Variants in PPM1B observed in about 807,000 individuals in gnomAD.
The protein encoded by PPM1B is protein phosphatase 1B.
Under a neutral mutation model 43.0 loss-of-function variants are expected in PPM1B, and 22 were observed. That is an observed-to-expected ratio of 0.51 (90% CI 0.37 to 0.73). The LOEUF (loss-of-function observed/expected upper bound fraction) is 0.73. Among genes scored for constraint, PPM1B ranks in the 30% least tolerant of loss-of-function variants. The pLI is 0.00. For synonymous variants in PPM1B, 217 were observed against 197.9 expected (o/e 1.10, Z -0.81); for missense variants, 632 against 584.2 (o/e 1.08, Z -0.84).
intron 5 of PPM1B, among the ~76,000 whole-genome samples, chr2:44,241,819 G>C (rs187766086): frequency 2.5e-4 from 35 of 139,974 alleles, no homozygotes; most frequent in African/African-American, 9.3e-4. Flanking sequence ...AAAAAGATCT[G>C]TCCTAAAAAC....
At chr2:44,226,618 T>C (rs1218383993) in intron 5 of PPM1B, among the ~76,000 whole-genome samples, 16 of 152,078 alleles carry the variant, frequency 1.1e-4, no homozygotes, top group Admixed American at 9.8e-4. Context: ...TTTTAAAAGC[T>C]CCACAGGTAA....
At chr2:44,185,058 G>GT (rs2104037355) in intron 1 of PPM1B, among the ~76,000 whole-genome samples, 1 of 151,084 alleles carries the variant, frequency 6.6e-6, no homozygotes, top group Admixed American at 6.6e-5. Flanking sequence ...ATATTATTGG[G>GT]TTTTATAGTA....
chr2:44,212,271 A>G (rs973945056), intron 3 of PPM1B, among the ~76,000 whole-genome samples: 3 of 152,056 alleles, frequency 2.0e-5, no homozygotes, highest in Admixed American at 6.5e-5. Flanking sequence ...CCCTTTTCAT[A>G]TTTATAACTC....
rs939412522 is a variant in PPM1B, at chr2:44,169,259, C to T, written c.-30C>T. 7 of 153,304 alleles carry T rather than the reference C, an allele frequency of 4.6e-5. No individual in the cohort carries two copies. The highest frequency in any genetic ancestry group is 3.9e-4 in the East Asian group (2 of 5,184). The allele number at this position is 153,304 out of a possible 1,614,324, so 9.5% of individuals were successfully genotyped here. A position where few individuals can be genotyped will look rare whatever the true frequency, so the allele number is the denominator to read the frequency against. On this transcript the variant is annotated 5_prime_UTR_variant, in exon 1 of 6. Coordinates refer to ENST00000282412, the MANE Select transcript of PPM1B (RefSeq NM_002706.6). The stretch of plus-strand genomic sequence containing the variant: ...GAGCGAGGCGCCCTAGACATCTTCT[C>T]CCTCCCTTGCCTCAGGTAAGGCCGC...
At chr2:44,225,321 A>T (rs1396460377) in intron 5 of PPM1B, among the ~76,000 whole-genome samples, 2 of 152,174 alleles carry the variant, frequency 1.3e-5, no homozygotes, top group Non-Finnish European at 2.9e-5. Flanking sequence ...GCTATAATAG[A>T]TGTGTAAAAA....
intron 5 of PPM1B, among the ~76,000 whole-genome samples, chr2:44,241,329 A>C (rs928271789): frequency 1.4e-5 from 2 of 144,628 alleles, no homozygotes; most frequent in Non-Finnish European, 3.1e-5. Flanking sequence ...ATTGTCTTTG[A>C]CTAAGGCAGC....
rs1176749971 is a variant in PPM1B, at chr2:44,240,870, C to G, written n.1547-3358C>G. On this transcript the variant is annotated intron_variant and non_coding_transcript_variant, in intron 5 of 5. Transcript: ENST00000378540. ...GGCTTCCTTACGCAGTGAGCTGTCT[C>G]TTAATACTTTGAAAACATGATGCTG... 4.1e-5 allele frequency among the ~76,000 whole-genome samples: 6 copies of G among 146,022 alleles called. 1 individual carries two copies. Among genetic ancestry groups the G allele is most frequent in the African/African-American group, 2.5e-5 (1 of 40,748 alleles).
rs377343899 is a variant in PPM1B, at chr2:44,192,239, A to T, written c.-14-8947A>T. On this transcript the variant is annotated intron_variant, in intron 1 of 5. Coordinates refer to ENST00000282412, the MANE Select transcript of PPM1B (RefSeq NM_002706.6). ...TTGTATTGTATTGTATTGTATTGAG[A>T]TGGAGTTTCGCTCTGTCGCCCAGGC... is the stretch of plus-strand genomic sequence containing the variant. Among the ~76,000 whole-genome samples the T allele has an allele frequency of 9.1e-4, 89 of 98,144 alleles. 1 individual carries two copies. Among genetic ancestry groups the T allele is most frequent in the Middle Eastern group, 0.011 (2 of 184 alleles). 64.4% of individuals were successfully genotyped at this position (98,144 alleles called of 152,430 possible).
chr2:44,228,933 A>G (rs976269185), intron 5 of PPM1B, among the ~76,000 whole-genome samples: 4 of 152,182 alleles, frequency 2.6e-5, no homozygotes, highest in Non-Finnish European at 4.4e-5. Context: ...CTGTAATCCC[A>G]GCACTTTGGG....
chr2:44,206,086 G>A (rs1324749697), intron 2 of PPM1B, among the ~76,000 whole-genome samples: 1 of 152,192 alleles, frequency 6.6e-6, no homozygotes. Flanking sequence ...CTTATTTATG[G>A]CAGGGGCACT....
intron 5 of PPM1B, among the ~76,000 whole-genome samples, chr2:44,242,127 G>T (rs557625506): frequency 6.6e-6 from 1 of 151,970 alleles, no homozygotes; most frequent in South Asian, 2.1e-4. Flanking sequence ...CAAAGTGCTG[G>T]GATTACAGGC....
At chr2:44,217,133 C>T (rs1179468832) in intron 3 of PPM1B, among the ~76,000 whole-genome samples, 3 of 151,998 alleles carry the variant, frequency 2.0e-5, no homozygotes, top group African/African-American at 7.3e-5. Context: ...GGTGTGGTGG[C>T]TCATGCCTGT....
At chr2:44,189,845 C>T (rs934551259) in intron 1 of PPM1B, among the ~76,000 whole-genome samples, 4 of 152,182 alleles carry the variant, frequency 2.6e-5, no homozygotes, top group African/African-American at 9.7e-5. Context: ...TGATGGCATA[C>T]CTCTTGCCCC....
intron 5 of PPM1B, among the ~76,000 whole-genome samples, chr2:44,241,774 A>G (rs1018125720): frequency 9.2e-5 from 14 of 151,990 alleles, no homozygotes; most frequent in African/African-American, 3.4e-4. Flanking sequence ...ATGATTTGGC[A>G]TATAACACAG....
At chr2:44,197,051 T>G (rs57725482) in intron 1 of PPM1B, among the ~76,000 whole-genome samples, 6,300 of 152,260 alleles carry the variant, frequency 0.041, 425 homozygotes, top group African/African-American at 0.14. Flanking sequence ...AATTTCAGAT[T>G]TACAGAAAAG....
At chr2:44,207,524 G>A (rs994393613) in intron 2 of PPM1B, among the ~76,000 whole-genome samples, 5 of 151,676 alleles carry the variant, frequency 3.3e-5, no homozygotes, top group Admixed American at 2.6e-4. Flanking sequence ...TAATGAGAAC[G>A]TATTTTTAAT....
chr2:44,224,992 A>G (rs753184567), intron 5 of PPM1B, among the ~76,000 whole-genome samples: 2 of 152,180 alleles, frequency 1.3e-5, no homozygotes, highest in Non-Finnish European at 2.9e-5. Context: ...ACAGAGCGCA[A>G]AGATAGACAT....
Position 44,211,042 on chromosome 2 carries a change from G to A in PPM1B, c.964+1715G>A, listed in dbSNP as rs561674461. ...TCCCAGCTACTCCGGAGGCTGAGGC[G>A]GGAGAACTGCTTGAACCTGGAAGGT... On this transcript the variant is annotated intron_variant, in intron 3 of 5. Coordinates refer to ENST00000282412, the MANE Select transcript of PPM1B (RefSeq NM_002706.6). Among the ~76,000 whole-genome samples, 6 of 152,158 alleles carry A rather than the reference G, an allele frequency of 3.9e-5. No individual in the cohort carries two copies. In the East Asian group the frequency reaches 1.2e-3, roughly 29 times the overall value.
intron 1 of PPM1B, among the ~76,000 whole-genome samples, chr2:44,184,361 C>G (rs974135678): frequency 1.3e-5 from 2 of 152,110 alleles, no homozygotes; most frequent in Admixed American, 1.3e-4. Context: ...GTTTTCCTCC[C>G]ACAACTCTGG....
Sources: gnomAD v4.1 joint callset for allele counts (sites outside exome capture counted in the v4.1 genomes callset) on GRCh38, gnomAD v4.1.1 for gene constraint, MANE v1.5 for transcripts, NCBI Gene and HGNC (gene_info 2026-07-23, HGNC 2026-07-21) for gene names.